The following RPS6KA5 variants were observed in gnomAD, a reference collection of about 807,000 sequenced individuals.
RPS6KA5 encodes the protein ribosomal protein S6 kinase alpha-5.
A neutral mutation model predicts 85.5 loss-of-function variants in RPS6KA5; 27 were observed. The observed-to-expected ratio is 0.32, with a 90% CI of 0.23 to 0.44. The LOEUF is 0.44. Among genes scored for constraint, RPS6KA5 ranks in the 20% least tolerant of loss-of-function variants. The probability of loss-of-function intolerance (pLI) is 1.00; values close to 1 mark genes in which losing one functional copy is unlikely to be tolerated. For synonymous variants in RPS6KA5, 334 were observed against 348.2 expected (o/e 0.96, Z 0.46); for missense variants, 811 against 980.9 (o/e 0.83, Z 2.31).
At position 90,871,909 on chromosome 14, in the gene RPS6KA5, G is replaced by C. The variant is rs1449139252; in HGVS notation, c.*165C>G. The C allele has an allele frequency of 6.1e-6, 5 of 823,134 alleles. No individual in the cohort carries two copies. The highest frequency in any genetic ancestry group is 9.6e-6 in the Non-Finnish European group (5 of 522,936). 51.0% of individuals were successfully genotyped at this position (823,134 alleles called of 1,614,324 possible). A position where few individuals can be genotyped will look rare whatever the true frequency, so the allele number is the denominator to read the frequency against. ...TATTCACAGTAACATTCTCTGTCCA[G>C]TGCTTTTGAATGAGGATAACCAAAC... On this transcript the variant is annotated 3_prime_UTR_variant, in exon 17 of 17. Coordinates refer to ENST00000614987, the MANE Select transcript of RPS6KA5 (RefSeq NM_004755.4).
At chr14:91,044,783 A>C (rs1442809800) in intron 1 of RPS6KA5, among the ~76,000 whole-genome samples, 1 of 151,756 alleles carries the variant, frequency 6.6e-6, no homozygotes, top group African/African-American at 2.4e-5. Flanking sequence ...AGGCAGGAGA[A>C]TCGCTTGAAC....
At chr14:91,030,696 A>C (rs73328526) in intron 1 of RPS6KA5, among the ~76,000 whole-genome samples, 19,832 of 150,282 alleles carry the variant, frequency 0.13, 1,599 homozygotes, top group East Asian at 0.31. Flanking sequence ...CTTCATAAAA[A>C]GTATAATTAT....
At chr14:91,020,891 G>A (rs920925667) in intron 1 of RPS6KA5, among the ~76,000 whole-genome samples, 2 of 151,690 alleles carry the variant, frequency 1.3e-5, no homozygotes, top group African/African-American at 2.4e-5. Flanking sequence ...ATAATTTTTT[G>A]TTTCACTGGC....
intron 5 of RPS6KA5, among the ~76,000 whole-genome samples, chr14:90,942,847 T>C (rs1815818996): frequency 6.7e-6 from 1 of 148,942 alleles, no homozygotes; most frequent in Admixed American, 6.6e-5. Flanking sequence ...AGTGTCTTTT[T>C]TCTTTTTTAA....
rs2032196756 is a variant in RPS6KA5 at position 90,854,946 on chromosome 14, G to T, written c.*17128C>A. On this transcript the variant is annotated 3_prime_UTR_variant, in exon 17 of 17. Transcript: ENST00000614987. ...ATAAAGATTTTATGTAAAACACTCT[G>T]CAGTTAGAAACAATCTTATTTACAT... 1 of 152,090 alleles carries T rather than the reference G, an allele frequency of 6.6e-6. No homozygotes were observed. The highest frequency in any genetic ancestry group is 2.4e-5 in the African/African-American group (1 of 41,430). The allele number at this position is 152,090 out of a possible 1,614,324, so 9.4% of individuals were successfully genotyped here. A position where few individuals can be genotyped will look rare whatever the true frequency, so the allele number is the denominator to read the frequency against.
intron 1 of RPS6KA5, among the ~76,000 whole-genome samples, chr14:91,020,614 TTGTGTG>T (rs71117396): frequency 0.024 from 2,226 of 91,318 alleles, 140 homozygotes; most frequent in African/African-American, 0.089. Flanking sequence ...ATATATCCTA[TTGTGTG>T]TGTGTGTGTG....
At position 90,859,206 on chromosome 14, in the gene RPS6KA5, T is replaced by C. The variant is rs2032422655; in HGVS notation, c.*12868A>G. On this transcript the variant is annotated 3_prime_UTR_variant, in exon 17 of 17. Coordinates refer to ENST00000614987, the MANE Select transcript of RPS6KA5 (RefSeq NM_004755.4). ...AACAAAGTCTAAAACCAACCTTCAA[T>C]AGGATTACAGTGATATGCCTGTATT... The C allele has an allele frequency of 6.6e-6, 1 of 152,164 alleles. No individual in the cohort carries two copies. Among genetic ancestry groups the C allele is most frequent in the South Asian group, 2.1e-4 (1 of 4,824 alleles). The allele number at this position is 152,164 out of a possible 1,614,324, so 9.4% of individuals were successfully genotyped here.
chr14:90,897,157 T>C (rs1390452554), intron 12 of RPS6KA5, among the ~76,000 whole-genome samples: 1 of 152,190 alleles, frequency 6.6e-6, no homozygotes, highest in South Asian at 2.1e-4. Flanking sequence ...CAGTTCACAA[T>C]AGAGTTTGTA....
chr14:90,902,517 T>C (rs1339314324), intron 9 of RPS6KA5, among the ~76,000 whole-genome samples: 2 of 152,022 alleles, frequency 1.3e-5, no homozygotes, highest in Non-Finnish European at 2.9e-5. Flanking sequence ...TGAATAGAGG[T>C]AAAATAAAAG....
chr14:90,915,105 T>G (rs548779170), intron 7 of RPS6KA5, among the ~76,000 whole-genome samples: 1 of 152,160 alleles, frequency 6.6e-6, no homozygotes, highest in African/African-American at 2.4e-5. Context: ...TGATTTCTTC[T>G]TAAAACAGGG....
intron 3 of RPS6KA5, among the ~76,000 whole-genome samples, chr14:90,951,978 T>C (rs2038213805): frequency 6.6e-6 from 1 of 152,176 alleles, no homozygotes; most frequent in African/African-American, 2.4e-5. Context: ...CTCTTTTTGA[T>C]GCCAATACCC....
chr14:90,929,288 A>T (rs1376461699), intron 5 of RPS6KA5, among the ~76,000 whole-genome samples: 1 of 152,088 alleles, frequency 6.6e-6, no homozygotes, highest in Non-Finnish European at 1.5e-5. Context: ...AAACACACAG[A>T]AACTAAAAGG....
chr14:90,998,945 G>A (rs925896192), intron 2 of RPS6KA5, among the ~76,000 whole-genome samples: 5 of 152,184 alleles, frequency 3.3e-5, no homozygotes, highest in African/African-American at 1.2e-4. Flanking sequence ...TAGACATGAG[G>A]CAGGCCGGGC....
intron 1 of RPS6KA5, among the ~76,000 whole-genome samples, chr14:91,054,790 T>C (rs1162440547): frequency 6.6e-6 from 1 of 151,768 alleles, no homozygotes; most frequent in Non-Finnish European, 1.5e-5. Context: ...ATCTCTATTA[T>C]TTAAAAAAAA....
At chr14:90,891,602 T>A (rs1421107380) in intron 13 of RPS6KA5, among the ~76,000 whole-genome samples, 1 of 152,180 alleles carries the variant, frequency 6.6e-6, no homozygotes, top group Admixed American at 6.5e-5. Flanking sequence ...GAATATTATT[T>A]GCTTTGTTAA....
chr14:90,880,578 A>G (rs915626952), intron 14 of RPS6KA5, among the ~76,000 whole-genome samples: 2 of 152,102 alleles, frequency 1.3e-5, no homozygotes, highest in African/African-American at 4.8e-5. Context: ...CATTAGATCT[A>G]GTTGGTTAAG....
intron 12 of RPS6KA5, 28 bp from the exon 13 acceptor site, chr14:90,894,611 G>A: frequency 6.2e-7 from 1 of 1,604,786 alleles, no homozygotes. Flanking sequence ...TAACGTGGAG[G>A]GCCTTCCTGA....
chr14:91,023,440 C>T (rs910322362), intron 1 of RPS6KA5, among the ~76,000 whole-genome samples: 3 of 152,008 alleles, frequency 2.0e-5, no homozygotes, highest in East Asian at 3.9e-4. Context: ...GCGTGCACCA[C>T]CATGCCTGGC....
At chr14:90,881,803 G>T (rs2140163610) in intron 14 of RPS6KA5, among the ~76,000 whole-genome samples, 1 of 152,200 alleles carries the variant, frequency 6.6e-6, no homozygotes, top group South Asian at 2.1e-4. Flanking sequence ...ACTCAGCCCT[G>T]ATCTCTTTTG....
Sources: allele counts gnomAD v4.1 joint callset (sites outside exome capture counted in the v4.1 genomes callset), GRCh38; gene constraint gnomAD v4.1.1; transcripts MANE v1.5; gene names NCBI Gene and HGNC (gene_info 2026-07-23, HGNC 2026-07-21).